HIVEP3: variants seen among roughly 807,000 people sequenced by gnomAD.
HIVEP3 encodes the protein HIVEP zinc finger 3.
In HIVEP3, 49 loss-of-function variants were observed where a neutral mutation model predicts 152.8. The ratio of observed to expected loss-of-function variants is 0.32; its 90% CI spans 0.26 to 0.41. HIVEP3 has a LOEUF of 0.41. HIVEP3 is among the 10% of genes least tolerant of loss of function. HIVEP3 has a pLI of 1.00. For synonymous variants in HIVEP3, 1,269 were observed against 1,289.0 expected, an observed-to-expected ratio of 0.98 and a Z score of 0.33; for missense variants, 2,790 against 3,103.3, an observed-to-expected ratio of 0.90 and a Z score of 2.40.
chr1:41,540,572 T>G (rs552872346), intron 5 of HIVEP3, among the ~76,000 whole-genome samples: 2 of 152,300 alleles, frequency 1.3e-5, no homozygotes, highest in South Asian at 4.2e-4. Flanking sequence ...GGCACCTTCT[T>G]ACCCCATACC....
chr1:41,909,752 A>G (rs1416575884), intron 1 of HIVEP3, among the ~76,000 whole-genome samples: 1 of 152,134 alleles, frequency 6.6e-6, no homozygotes, highest in Non-Finnish European at 1.5e-5. Context: ...TAGCACTCAA[A>G]CAATATTTGA....
intron 1 of HIVEP3, among the ~76,000 whole-genome samples, chr1:41,771,527 G>A (rs575278289): frequency 2.6e-5 from 4 of 152,292 alleles, no homozygotes; most frequent in South Asian, 2.1e-4. Context: ...TGCCCCGCGT[G>A]TCTACCCCTC....
chr1:41,567,132 C>T (rs1388253108), intron 5 of HIVEP3, among the ~76,000 whole-genome samples: 2 of 152,170 alleles, frequency 1.3e-5, no homozygotes, highest in East Asian at 3.9e-4. Context: ...TCACTTCCCT[C>T]CTCCATCCCT....
intron 1 of HIVEP3, among the ~76,000 whole-genome samples, chr1:41,874,682 A>C (rs1326185102): frequency 6.6e-6 from 1 of 152,214 alleles, no homozygotes; most frequent in African/African-American, 2.4e-5. Flanking sequence ...GTAAGCCCTC[A>C]ATAGGATTCT....
chr1:41,713,592 T>C (rs1646546474), intron 1 of HIVEP3, among the ~76,000 whole-genome samples: 1 of 152,218 alleles, frequency 6.6e-6, no homozygotes, highest in Admixed American at 6.5e-5. Flanking sequence ...ACATTATTGT[T>C]TCCATTATGG....
chr1:41,688,470 T>A (rs1475145872), intron 2 of HIVEP3, among the ~76,000 whole-genome samples: 4 of 152,270 alleles, frequency 2.6e-5, no homozygotes, highest in Non-Finnish European at 5.9e-5. Flanking sequence ...GCCCTCTTTC[T>A]GGGATCCAGG....
chr1:41,928,406 A>T lies in HIVEP3; in HGVS notation n.120-9882T>A, dbSNP rs181001560. Among the ~76,000 whole-genome samples, 257 of 152,298 alleles carry T rather than the reference A, an allele frequency of 1.7e-3. 1 individual carries two copies. Among genetic ancestry groups the T allele is most frequent in the African/African-American group, 5.7e-3 (238 of 41,556 alleles). On this transcript the variant is annotated intron_variant and non_coding_transcript_variant, in intron 1 of 3. Coordinates refer to the HIVEP3 transcript ENST00000489103. ...AATTTTAGACTTATAGAGGAATTGT[A>T]AAGATTGTACAAGTTCCCATACACC...
intron 3 of HIVEP3, among the ~76,000 whole-genome samples, chr1:41,596,698 G>A (rs1450704189): frequency 6.6e-6 from 1 of 152,166 alleles, no homozygotes. Flanking sequence ...TTTATAGATG[G>A]GGGCAGGGCT....
chr1:42,001,096 G>C (rs1645425549), intron 1 of HIVEP3, among the ~76,000 whole-genome samples: 1 of 152,190 alleles, frequency 6.6e-6, no homozygotes, highest in South Asian at 2.1e-4. Flanking sequence ...GTCTGATCCA[G>C]AGTCTGTGCT....
rs1644399775 is a variant in HIVEP3 at position 41,507,890 on chromosome 1, CAGCCCTTTGGTG to C, written c.*2549_*2560del. The C allele has an allele frequency of 6.6e-6, 1 of 152,310 alleles. No individual in the cohort carries two copies. Among genetic ancestry groups the C allele is most frequent in the African/African-American group, 2.4e-5 (1 of 41,448 alleles). The allele number at this position is 152,310 out of a possible 1,614,324, so 9.4% of individuals were successfully genotyped here. On this transcript the variant is annotated 3_prime_UTR_variant, in exon 9 of 9. Coordinates refer to ENST00000372583, the MANE Select transcript of HIVEP3 (RefSeq NM_024503.5). ...TCTGGGCACGGCATCAATGTGGAGG[CAGCCCTTTGGTG>C]AGATTCTATTTGTGCATTTACCCCC...
chr1:41,775,296 C>A (rs1180620981), intron 1 of HIVEP3, among the ~76,000 whole-genome samples: 2 of 152,150 alleles, frequency 1.3e-5, no homozygotes, highest in Non-Finnish European at 2.9e-5. Flanking sequence ...TTCTGCGGAG[C>A]ATATAAATTT....
intron 2 of HIVEP3, among the ~76,000 whole-genome samples, chr1:41,635,981 G>T (rs879795709): frequency 2.6e-5 from 4 of 152,336 alleles, no homozygotes; most frequent in Admixed American, 2.0e-4. Flanking sequence ...GATTAGCAGA[G>T]AAAGAATGGA....
At chr1:41,832,885 C>T (rs1415491247) in intron 1 of HIVEP3, among the ~76,000 whole-genome samples, 13 of 152,184 alleles carry the variant, frequency 8.5e-5, no homozygotes, top group Non-Finnish European at 1.8e-4. Context: ...TTTTACCCTC[C>T]ACTCCCATTA....
chr1:41,705,634 C>T (rs571516341), intron 1 of HIVEP3, among the ~76,000 whole-genome samples: 6 of 152,304 alleles, frequency 3.9e-5, no homozygotes, highest in African/African-American at 1.2e-4. Flanking sequence ...CACTGCCCGG[C>T]GCTCACAGGG....
chr1:42,010,870 C>T (rs1645488838), intron 1 of HIVEP3, among the ~76,000 whole-genome samples: 1 of 151,984 alleles, frequency 6.6e-6, no homozygotes, highest in Admixed American at 6.6e-5. Flanking sequence ...TTCATCCCAC[C>T]CCACCTCCAA....
At chr1:41,747,821 A>C in intron 1 of HIVEP3, among the ~76,000 whole-genome samples, 1 of 152,200 alleles carries the variant, frequency 6.6e-6, no homozygotes, top group African/African-American at 2.4e-5. Context: ...TGCTGCTATG[A>C]GCATCTTTAA....
At chr1:41,527,341 CT>C (rs1445965840) in intron 5 of HIVEP3, among the ~76,000 whole-genome samples, 1 of 50,830 alleles carries the variant, frequency 2.0e-5, no homozygotes, top group African/African-American at 8.8e-5. Context: ...CACATCCCAC[CT>C]TCACACTCAC....
intron 2 of HIVEP3, among the ~76,000 whole-genome samples, chr1:41,632,669 T>C (rs1372610007): frequency 2.6e-5 from 4 of 151,878 alleles, no homozygotes; most frequent in African/African-American, 9.7e-5. Context: ...GGCAGGAGAA[T>C]TGCTTGAACC....
Position 41,714,834 on chromosome 1 carries a change from T to C in HIVEP3, c.-800-13839A>G, listed in dbSNP as rs138557289. ...TAAGAATAATATAAAAAGAAGATGATATGCCAGGTTGTCACTGGCAACCCA... is the reference window on the plus strand; with the variant it reads ...TAAGAATAATATAAAAAGAAGATGACATGCCAGGTTGTCACTGGCAACCCA... On this transcript the variant is annotated intron_variant, in intron 1 of 8. Coordinates refer to ENST00000372583, the MANE Select transcript of HIVEP3 (RefSeq NM_024503.5). Among the ~76,000 whole-genome samples, 13 of 152,346 alleles carry C rather than the reference T, an allele frequency of 8.5e-5. No individual in the cohort carries two copies. In the East Asian group the frequency reaches 1.4e-3, roughly 16 times the overall value.
Sources: gnomAD v4.1 joint callset for allele counts (sites outside exome capture counted in the v4.1 genomes callset) on GRCh38, gnomAD v4.1.1 for gene constraint, MANE v1.5 for transcripts, NCBI Gene and HGNC (gene_info 2026-07-23, HGNC 2026-07-21) for gene names.